Variants in ADGRG6 observed in about 807,000 individuals in gnomAD.
ADGRG6 encodes the protein G-protein coupled receptor 126.
In ADGRG6, 84 loss-of-function variants were observed where a neutral mutation model predicts 142.4. The observed-to-expected ratio is 0.59, with a 90% CI of 0.49 to 0.71. The LOEUF (loss-of-function observed/expected upper bound fraction) is 0.71. Ranked by LOEUF, ADGRG6 falls within the 30% of genes least tolerant of loss-of-function variation. ADGRG6 has a pLI of 0.00. For missense variants in ADGRG6, 1,367 were observed against 1,466.6 expected, an observed-to-expected ratio of 0.93 and a Z score of 1.11; for synonymous variants, 521 against 520.5, an observed-to-expected ratio of 1.00 and a Z score of -0.01.
chr6:142,322,464 G>A (rs530852269), intron 2 of ADGRG6, among the ~76,000 whole-genome samples: 1 of 152,082 alleles, frequency 6.6e-6, no homozygotes, highest in Middle Eastern at 3.4e-3. Context: ...TATAAACTTC[G>A]CTTAGGTCAA....
At chr6:142,366,616 G>A (rs1583042724) in intron 2 of ADGRG6, among the ~76,000 whole-genome samples, 1 of 151,904 alleles carries the variant, frequency 6.6e-6, no homozygotes, top group Non-Finnish European at 1.5e-5. Flanking sequence ...CCAGCCAGGC[G>A]TGGTGGTGCA....
intron 24 of ADGRG6, among the ~76,000 whole-genome samples, chr6:142,441,121 T>C (rs183401241): frequency 9.2e-5 from 14 of 152,326 alleles, no homozygotes; most frequent in Admixed American, 5.2e-4. Context: ...TTTTGAATGA[T>C]AGTGTGTGCT....
At chr6:142,394,487 G>A (rs1583084925) in intron 9 of ADGRG6, among the ~76,000 whole-genome samples, 1 of 151,260 alleles carries the variant, frequency 6.6e-6, no homozygotes, top group East Asian at 1.9e-4. Flanking sequence ...AATGTTCAGA[G>A]TACTGTAAAA....
chr6:142,440,342 G>A (rs2115209583), intron 24 of ADGRG6, among the ~76,000 whole-genome samples: 1 of 152,088 alleles, frequency 6.6e-6, no homozygotes, highest in Middle Eastern at 3.4e-3. Context: ...CCAGGCTGGA[G>A]TGCAAGGGCA....
rs1008864198 is a variant in ADGRG6 at position 142,403,250 on chromosome 6, T to G, written c.1955+420T>G. Among the ~76,000 whole-genome samples the G allele has an allele frequency of 2.0e-5, 3 of 152,086 alleles. No individual in the cohort carries two copies. The South Asian group carries it at 6.2e-4, about 31-fold the overall frequency. ...ATGAACATGCTGGGGCAGATGAAAA[T>G]GTACCTGTATTTATATGATTCAATT... is the stretch of plus-strand genomic sequence containing the variant. On this transcript the variant is annotated intron_variant, in intron 13 of 24. Coordinates refer to ENST00000367609, the MANE Select transcript of ADGRG6 (RefSeq NM_198569.3).
chr6:142,404,307 G>A (rs1775686708), intron 14 of ADGRG6: 1 of 261,230 alleles, frequency 3.8e-6, no homozygotes, highest in South Asian at 4.6e-5. Flanking sequence ...GAAGCATGGT[G>A]CATTCTCTTT....
At chr6:142,371,522 T>C (rs1781260128) in intron 4 of ADGRG6, among the ~76,000 whole-genome samples, 1 of 146,590 alleles carries the variant, frequency 6.8e-6, no homozygotes, top group African/African-American at 2.6e-5. Flanking sequence ...CTCGCTATGC[T>C]GCCCAGGCTG....
chr6:142,438,307 C>A lies in ADGRG6; in HGVS notation c.3517C>A (p.Leu1173Ile), dbSNP rs1777585723. The change falls in exon 24 of 25, where the codon CTT becomes ATT. Residue 1173 changes from leucine to isoleucine, a missense_variant. Leu to Ile is a conservative substitution (Grantham distance 5). Around this residue, in one of 3 missense-constraint regions of ADGRG6, gnomAD observed 344 missense variants for 348.7 expected, o/e 0.99. Transcript: ENST00000367609. ...SSSIGSNSTY[L>I]TSKSKSSSTT... Reference sequence around the variant, plus strand: ...CTCCATTGGTTCCAACTCAACCTATCTTACATCCAAATCTAAATCCAGCTC... The same window carrying A: ...CTCCATTGGTTCCAACTCAACCTATATTACATCCAAATCTAAATCCAGCTC... 4.4e-6 allele frequency: 7 copies of A among 1,608,242 alleles called. No individual in the cohort carries two copies. The highest frequency in any genetic ancestry group is 5.1e-6 in the Non-Finnish European group (6 of 1,176,498).
At chr6:142,436,120 G>A (rs1242284115) in intron 22 of ADGRG6, among the ~76,000 whole-genome samples, 3 of 152,132 alleles carry the variant, frequency 2.0e-5, no homozygotes, top group Admixed American at 6.5e-5. Flanking sequence ...CTGGTGGGGG[G>A]TAGGGGAGAG....
chr6:142,356,706 A>G (rs1034386054), intron 2 of ADGRG6, among the ~76,000 whole-genome samples: 1 of 151,820 alleles, frequency 6.6e-6, no homozygotes, highest in Non-Finnish European at 1.5e-5. Context: ...TTTTTTCTTC[A>G]GATGTGGAAA....
At chr6:142,318,006 A>C (rs1338590461) in intron 2 of ADGRG6, among the ~76,000 whole-genome samples, 1 of 43,696 alleles carries the variant, frequency 2.3e-5, no homozygotes, top group Non-Finnish European at 3.7e-5. Flanking sequence ...TATTATATAT[A>C]ATATTTATGT....
chr6:142,383,879 C>A, intron 6 of ADGRG6, 36 bp downstream of exon 6: 1 of 1,039,794 alleles, frequency 9.6e-7, no homozygotes, highest in South Asian at 1.3e-5. Context: ...TTTAGTATGT[C>A]TAACATAAAA....
At chr6:142,339,135 A>G (rs932602814) in intron 2 of ADGRG6, among the ~76,000 whole-genome samples, 3 of 152,330 alleles carry the variant, frequency 2.0e-5, no homozygotes, top group South Asian at 2.1e-4. Context: ...ATACATTAAT[A>G]GTCATCTTTA....
At chr6:142,302,449 C>A in intron 1 of ADGRG6, 118 bp downstream of exon 1, 1 of 1,065,166 alleles carries the variant, frequency 9.4e-7, no homozygotes, top group Non-Finnish European at 1.4e-6. Context: ...ACTTCAACTG[C>A]ACGGAGGGAA....
chr6:142,411,031 G>C (rs529750753), intron 17 of ADGRG6, among the ~76,000 whole-genome samples: 1 of 152,200 alleles, frequency 6.6e-6, no homozygotes, highest in South Asian at 2.1e-4. Flanking sequence ...TTTAAAATAT[G>C]TTAAAAATTA....
At position 142,437,501 on chromosome 6, in the gene ADGRG6, C is replaced by G. The variant is rs1472010265; in HGVS notation, c.3387C>G (p.Leu1129=). The change falls in exon 23 of 25, where the codon CTC becomes CTG. Residue 1129 remains leucine (L), a synonymous_variant. Coordinates refer to ENST00000367609, the MANE Select transcript of ADGRG6 (RefSeq NM_198569.3). ...TTCAGAAACAGTGGCGGCAGCATCT[C>G]TGCTGTGGTAGATTTCGGTTAGCAG... ...ENVQKQWRQH[L]CCGRFRLADN... The G allele has an allele frequency of 1.9e-6, 3 of 1,565,434 alleles. No individual in the cohort carries two copies. Among genetic ancestry groups the G allele is most frequent in the Non-Finnish European group, 2.6e-6 (3 of 1,135,698 alleles).
intron 2 of ADGRG6, among the ~76,000 whole-genome samples, chr6:142,320,118 T>C (rs1411496471): frequency 6.6e-6 from 1 of 152,068 alleles, no homozygotes; most frequent in East Asian, 1.9e-4. Context: ...GGAGAGCTTT[T>C]CATATTTTAA....
chr6:142,375,839 A>T (rs182027772), intron 4 of ADGRG6, among the ~76,000 whole-genome samples: 8 of 152,330 alleles, frequency 5.3e-5, no homozygotes, highest in African/African-American at 1.2e-4. Flanking sequence ...ACTCAATTCA[A>T]CATTAAAATA....
chr6:142,410,909 CCTT>C (rs1231275856), intron 17 of ADGRG6, among the ~76,000 whole-genome samples: 2 of 151,766 alleles, frequency 1.3e-5, no homozygotes, highest in Admixed American at 1.3e-4. Context: ...AGAAAGCAAA[CCTT>C]CTTTGTTCTT....
Sources: allele counts gnomAD v4.1 joint callset (sites outside exome capture counted in the v4.1 genomes callset), GRCh38; gene constraint gnomAD v4.1.1; regional missense constraint gnomAD v4.1.1; transcripts MANE v1.5; gene names NCBI Gene and HGNC (gene_info 2026-07-23, HGNC 2026-07-21).